PACRG: variants seen among roughly 807,000 people sequenced by gnomAD.
PACRG encodes the protein parkin coregulated gene protein.
Under a neutral mutation model 29.7 loss-of-function variants are expected in PACRG, and 29 were observed. The observed-to-expected ratio is 0.98, with a 90% confidence interval of 0.73 to 1.33. The LOEUF is 1.33. Among genes scored for constraint, PACRG ranks in the 40% most tolerant of loss-of-function variants. PACRG has a pLI of 0.00. For synonymous variants in PACRG, 116 were observed against 118.7 expected (o/e 0.98, Z 0.15); for missense variants, 279 against 316.2 (o/e 0.88, Z 0.89).
chr6:162,995,978 A>G (rs1804003572), intron 2 of PACRG, among the ~76,000 whole-genome samples: 1 of 152,232 alleles, frequency 6.6e-6, no homozygotes, highest in Non-Finnish European at 1.5e-5. Flanking sequence ...TTGCTGGATC[A>G]TGTGATGTTG....
intron 1 of PACRG, among the ~76,000 whole-genome samples, chr6:162,766,454 A>G (rs113406529): frequency 5.3e-5 from 8 of 152,272 alleles, no homozygotes; most frequent in African/African-American, 1.9e-4. Flanking sequence ...AAAAAAATCT[A>G]TTGATGGACC....
chr6:163,142,734 C>T (rs764280470), intron 4 of PACRG, among the ~76,000 whole-genome samples: 4 of 152,136 alleles, frequency 2.6e-5, no homozygotes, highest in Non-Finnish European at 4.4e-5. Context: ...TTGGAATGGA[C>T]GTGATCACTG....
intron 1 of PACRG, among the ~76,000 whole-genome samples, chr6:162,788,471 A>G (rs1784686098): frequency 6.6e-6 from 1 of 152,248 alleles, no homozygotes. Context: ...AGATGTAAAC[A>G]TCTGTGTGCA....
At chr6:162,951,109 A>G (rs992173647) in intron 2 of PACRG, among the ~76,000 whole-genome samples, 1 of 152,238 alleles carries the variant, frequency 6.6e-6, no homozygotes, top group Non-Finnish European at 1.5e-5. Context: ...TCATGAATGA[A>G]AGTTCCCTGA....
Position 163,108,844 on chromosome 6 carries a change from G to T in PACRG, c.613+19436G>T, listed in dbSNP as rs986962704. Among the ~76,000 whole-genome samples, 3 of 152,148 alleles carry T rather than the reference G, an allele frequency of 2.0e-5. No homozygotes were observed. The South Asian group carries it at 6.2e-4, about 32-fold the overall frequency. Reference sequence around the variant, plus strand: ...TACATTTGGAATCCAACAAAGAAAAGGTCTGCCTTGTACCTGATCTTTATG... The same window carrying T: ...TACATTTGGAATCCAACAAAGAAAATGTCTGCCTTGTACCTGATCTTTATG... On this transcript the variant is annotated intron_variant, in intron 4 of 4. Coordinates refer to ENST00000366888, the MANE Select transcript of PACRG (RefSeq NM_001080379.2).
At chr6:163,093,287 T>A (rs1167797176) in intron 4 of PACRG, among the ~76,000 whole-genome samples, 5 of 152,238 alleles carry the variant, frequency 3.3e-5, no homozygotes, top group Non-Finnish European at 7.3e-5. Flanking sequence ...ACAGTGAATT[T>A]TGGACGTAAA....
At position 163,239,246 on chromosome 6, in the gene PACRG, T is replaced by C. The variant is rs569922396; in HGVS notation, c.614-75581T>C. On this transcript the variant is annotated intron_variant, in intron 4 of 4. Transcript: ENST00000366888. ...TAAGATATGATTATTTTTCTAACCT[T>C]CAACTGGAGGAAATTCTGTCAACAC... 2.6e-5 allele frequency among the ~76,000 whole-genome samples: 4 copies of C among 152,362 alleles called. No homozygotes were observed. In the South Asian group the frequency reaches 6.2e-4, roughly 24 times the overall value.
rs1235109023 is a variant in PACRG at position 163,262,519 on chromosome 6, A to G, written c.614-52308A>G. Among the ~76,000 whole-genome samples, 3 of 132,368 alleles carry G rather than the reference A, an allele frequency of 2.3e-5. No individual in the cohort carries two copies. The East Asian group carries it at 6.1e-4, about 27-fold the overall frequency. 86.8% of individuals were successfully genotyped at this position (132,368 alleles called of 152,430 possible). Reference sequence around the variant, plus strand: ...TCACTCTGATCTACTCAGTTACAACATGATCTCTTTTTTTTTTTCAGATCT... The same window carrying G: ...TCACTCTGATCTACTCAGTTACAACGTGATCTCTTTTTTTTTTTCAGATCT... On this transcript the variant is annotated intron_variant, in intron 4 of 4. Transcript: ENST00000366888.
chr6:162,742,755 G>A (rs1277564281), intron 1 of PACRG, among the ~76,000 whole-genome samples: 1 of 151,982 alleles, frequency 6.6e-6, no homozygotes, highest in East Asian at 1.9e-4. Flanking sequence ...TGCTTAGGTT[G>A]TTTCCATACC....
chr6:162,787,582 G>GTGTATATATATATA (rs1198197561), intron 1 of PACRG, among the ~76,000 whole-genome samples: 1 of 62,418 alleles, frequency 1.6e-5, no homozygotes. Context: ...GTGTGTGTGT[G>GTGTATATATATATA]TATATATATA....
intron 2 of PACRG, among the ~76,000 whole-genome samples, chr6:162,929,967 AT>A (rs1438267592): frequency 5.9e-5 from 9 of 151,546 alleles, no homozygotes; most frequent in Non-Finnish European, 2.9e-5. Flanking sequence ...TACCATGCTC[AT>A]TTGGTTGCTA....
intron 4 of PACRG, among the ~76,000 whole-genome samples, chr6:163,135,612 C>A (rs1285217704): frequency 6.6e-6 from 1 of 152,160 alleles, no homozygotes; most frequent in Non-Finnish European, 1.5e-5. Context: ...TTCGGGAAAT[C>A]TTCTTCCGCA....
chr6:162,779,596 C>A (rs1161906189), intron 1 of PACRG, among the ~76,000 whole-genome samples: 1 of 152,148 alleles, frequency 6.6e-6, no homozygotes, highest in East Asian at 1.9e-4. Context: ...AATTTTAAAC[C>A]ATCTAACAAT....
intron 4 of PACRG, among the ~76,000 whole-genome samples, chr6:163,186,466 A>G (rs1349579059): frequency 6.6e-6 from 1 of 152,014 alleles, no homozygotes; most frequent in Non-Finnish European, 1.5e-5. Flanking sequence ...GTCATTCTAA[A>G]CTTGCCACCT....
At position 163,062,241 on chromosome 6, in the gene PACRG, G is replaced by C; in HGVS notation, c.383G>C (p.Arg128Pro). 1 of 1,613,904 alleles carries C rather than the reference G, an allele frequency of 6.2e-7. No homozygotes were observed. The highest frequency in any genetic ancestry group is 1.1e-5 in the South Asian group (1 of 91,060). ...EMTFPYEFFA[R>P]QGIHDMLEHG... The stretch of plus-strand genomic sequence containing the variant: ...ACATTTCCCTATGAGTTTTTTGCTC[G>C]GCAAGGAATCCACGACATGCTGGAA... The change falls in exon 3 of 5, where the codon CGG (arginine) becomes CCG (proline). Residue 128 changes from arginine to proline, a missense_variant. Transcript: ENST00000366888.
intron 4 of PACRG, among the ~76,000 whole-genome samples, chr6:163,213,561 C>G (rs986197575): frequency 6.6e-6 from 1 of 152,104 alleles, no homozygotes; most frequent in African/African-American, 2.4e-5. Flanking sequence ...TATTTAGGTT[C>G]TTTTTGGTGA....
chr6:163,032,011 A>G (rs1035159160), intron 2 of PACRG, among the ~76,000 whole-genome samples: 2 of 152,258 alleles, frequency 1.3e-5, no homozygotes, highest in African/African-American at 2.4e-5. Flanking sequence ...GTCATGTTGC[A>G]AAGAAAACAG....
chr6:163,283,100 A>C (rs1217807719), intron 4 of PACRG, among the ~76,000 whole-genome samples: 2 of 152,256 alleles, frequency 1.3e-5, no homozygotes, highest in Non-Finnish European at 2.9e-5. Context: ...ATGACATGAT[A>C]ATTTTCATGC....
chr6:163,051,227 T>C (rs1397837049), intron 2 of PACRG: 1 of 152,258 alleles, frequency 6.6e-6, no homozygotes, highest in Non-Finnish European at 1.5e-5. Context: ...ATTATTTATC[T>C]TGAGATTTTA....
Sources: allele counts gnomAD v4.1 joint callset (sites outside exome capture counted in the v4.1 genomes callset), GRCh38; gene constraint gnomAD v4.1.1; transcripts MANE v1.5; gene names NCBI Gene and HGNC (gene_info 2026-07-23, HGNC 2026-07-21).